PDE4D: variants seen among roughly 807,000 people sequenced by gnomAD.
The protein encoded by PDE4D is 3',5'-cyclic-AMP phosphodiesterase 4D.
A neutral mutation model predicts 87.4 loss-of-function variants in PDE4D; 24 were observed. The ratio of observed to expected loss-of-function variants is 0.27; its 90% CI spans 0.20 to 0.39. The LOEUF is 0.39. Among genes scored for constraint, PDE4D ranks in the 10% least tolerant of loss-of-function variants. The probability of loss-of-function intolerance (pLI) is 1.00; values close to 1 mark genes in which losing one functional copy is unlikely to be tolerated. For synonymous variants in PDE4D, 384 were observed against 383.2 expected, an observed-to-expected ratio of 1.00 and a Z score of -0.02; for missense variants, 714 against 1,041.0, an observed-to-expected ratio of 0.69 and a Z score of 4.32.
chr5:59,582,184 C>T (rs574860999), intron 1 of PDE4D, among the ~76,000 whole-genome samples: 1 of 152,262 alleles, frequency 6.6e-6, no homozygotes, highest in Non-Finnish European at 1.5e-5. Context: ...CAAGCAGACA[C>T]TGCAATAATT....
chr5:60,422,033 A>T (rs1488221234), intron 1 of PDE4D, among the ~76,000 whole-genome samples: 1 of 152,236 alleles, frequency 6.6e-6, no homozygotes, highest in Non-Finnish European at 1.5e-5. Flanking sequence ...TCCAAGAAAT[A>T]TGGGACTATG....
intron 1 of PDE4D, among the ~76,000 whole-genome samples, chr5:60,413,732 A>C (rs1449128951): frequency 7.5e-6 from 1 of 133,138 alleles, no homozygotes. Flanking sequence ...TTTTTTTTGG[A>C]AAAACAGCTT....
chr5:60,456,093 G>A (rs535428351), intron 1 of PDE4D, among the ~76,000 whole-genome samples: 1 of 152,258 alleles, frequency 6.6e-6, no homozygotes, highest in South Asian at 2.1e-4. Context: ...TTGGTCCTAG[G>A]AGTGCTCAAC....
chr5:59,705,724 A>T (rs931448928), intron 1 of PDE4D, among the ~76,000 whole-genome samples: 1 of 152,164 alleles, frequency 6.6e-6, no homozygotes, highest in African/African-American at 2.4e-5. Context: ...TTGTGCCAGG[A>T]ATTGTACACA....
At chr5:60,169,023 T>C (rs1159483193) in intron 2 of PDE4D, among the ~76,000 whole-genome samples, 1 of 152,214 alleles carries the variant, frequency 6.6e-6, no homozygotes, top group Non-Finnish European at 1.5e-5. Context: ...TTTTGTTTAT[T>C]GTATTTTTTA....
At chr5:59,057,304 C>T (rs769661216) in intron 5 of PDE4D, among the ~76,000 whole-genome samples, 9 of 152,090 alleles carry the variant, frequency 5.9e-5, no homozygotes, top group Non-Finnish European at 1.2e-4. Flanking sequence ...TCCTTGTTTC[C>T]AAATCTGAGC....
intron 1 of PDE4D, among the ~76,000 whole-genome samples, chr5:59,670,249 C>A (rs1250076600): frequency 3.3e-5 from 5 of 152,142 alleles, no homozygotes; most frequent in Non-Finnish European, 7.4e-5. Flanking sequence ...GCCTGACACA[C>A]AAGTACTCTG....
chr5:60,172,265 T>TACACACACAC lies in PDE4D; in HGVS notation c.42+13282_42+13291dup, dbSNP rs58938460. ...CATAACCTTATGCCAAGTACTTCAA[T>TACACACACAC]ACACACACACACACACACACACACA... is the stretch of plus-strand genomic sequence containing the variant. On this transcript the variant is annotated intron_variant, in intron 2 of 16. Coordinates refer to the PDE4D transcript ENST00000502484. Among the ~76,000 whole-genome samples, 163 of 141,018 alleles carry TACACACACAC rather than the reference T, an allele frequency of 1.2e-3. 1 individual carries two copies. Among genetic ancestry groups the TACACACACAC allele is most frequent in the African/African-American group, 9.2e-4 (35 of 38,108 alleles). The allele number at this position is 141,018 out of a possible 152,430, so 92.5% of individuals were successfully genotyped here. A position where few individuals can be genotyped will look rare whatever the true frequency, so the allele number is the denominator to read the frequency against.
chr5:59,886,029 A>C (rs1228732274), intron 1 of PDE4D, among the ~76,000 whole-genome samples: 2 of 152,232 alleles, frequency 1.3e-5, no homozygotes, highest in Non-Finnish European at 2.9e-5. Flanking sequence ...GAGATTATTA[A>C]GAAAATCAAA....
intron 2 of PDE4D, among the ~76,000 whole-genome samples, chr5:60,087,680 T>C (rs191116515): frequency 1.2e-4 from 18 of 151,908 alleles, no homozygotes; most frequent in African/African-American, 3.4e-4. Context: ...GAAAAAAGAA[T>C]AAATGAAATT....
intron 1 of PDE4D, among the ~76,000 whole-genome samples, chr5:59,707,784 T>C (rs1329915769): frequency 6.6e-6 from 1 of 152,142 alleles, no homozygotes; most frequent in Non-Finnish European, 1.5e-5. Flanking sequence ...GCAAAGGACA[T>C]TATCTCATTC....
chr5:59,295,503 C>A (rs1411732965), intron 1 of PDE4D, among the ~76,000 whole-genome samples: 1 of 152,118 alleles, frequency 6.6e-6, no homozygotes, highest in Non-Finnish European at 1.5e-5. Flanking sequence ...CCAGGTAGCT[C>A]TTCAGGTGCC....
intron 5 of PDE4D, among the ~76,000 whole-genome samples, chr5:59,140,654 G>C (rs1220450521): frequency 1.3e-5 from 2 of 152,118 alleles, no homozygotes; most frequent in Non-Finnish European, 2.9e-5. Context: ...CAATATTTCA[G>C]AGAAAAATTT....
intron 5 of PDE4D, among the ~76,000 whole-genome samples, chr5:59,131,466 T>C (rs1445993487): frequency 1.3e-5 from 2 of 152,188 alleles, no homozygotes; most frequent in South Asian, 2.1e-4. Context: ...TTTGAGAGCA[T>C]ATGAAATAAC....
At chr5:59,183,384 G>A (rs1251532365) in intron 4 of PDE4D, among the ~76,000 whole-genome samples, 2 of 152,046 alleles carry the variant, frequency 1.3e-5, no homozygotes, top group Non-Finnish European at 2.9e-5. Context: ...TTCCATCCCT[G>A]TATGTCAGCT....
intron 1 of PDE4D, among the ~76,000 whole-genome samples, chr5:59,538,441 A>AT (rs926436536): frequency 6.6e-6 from 1 of 152,208 alleles, no homozygotes; most frequent in African/African-American, 2.4e-5. Flanking sequence ...AACTCAGTGA[A>AT]TGGCCTACTG....
At chr5:60,212,898 A>C (rs1341645812) in intron 1 of PDE4D, among the ~76,000 whole-genome samples, 1 of 152,074 alleles carries the variant, frequency 6.6e-6, no homozygotes, top group African/African-American at 2.4e-5. Context: ...CCTTCTTCCT[A>C]AACTTTTGTT....
At chr5:59,497,621 C>T (rs1807465680) in intron 1 of PDE4D, among the ~76,000 whole-genome samples, 1 of 151,750 alleles carries the variant, frequency 6.6e-6, no homozygotes, top group African/African-American at 2.4e-5. Context: ...CTGAATCAAC[C>T]CAGGCAGGCA....
At chr5:60,166,739 C>G (rs1376389741) in intron 2 of PDE4D, among the ~76,000 whole-genome samples, 4 of 152,078 alleles carry the variant, frequency 2.6e-5, no homozygotes, top group Admixed American at 2.6e-4. Context: ...TTTTTTAACA[C>G]AGGTCTGGCA....
Sources: gnomAD v4.1 joint callset for allele counts (sites outside exome capture counted in the v4.1 genomes callset) on GRCh38, gnomAD v4.1.1 for gene constraint, MANE v1.5 for transcripts, NCBI Gene and HGNC (gene_info 2026-07-23, HGNC 2026-07-21) for gene names.